The following GRM7 variants were observed in gnomAD, a reference collection of about 807,000 sequenced individuals.
GRM7 encodes the protein glutamate metabotropic receptor 7, also known as metabotropic glutamate receptor 7.
A neutral mutation model predicts 84.5 loss-of-function variants in GRM7; 35 were observed. The ratio of observed to expected loss-of-function variants is 0.41; its 90% CI spans 0.32 to 0.55. The LOEUF is 0.55. GRM7 is among the 20% of genes least tolerant of loss of function. The probability of loss-of-function intolerance (pLI) is 0.19; values close to 1 mark genes in which losing one functional copy is unlikely to be tolerated. For missense variants in GRM7, 1,003 were observed against 1,194.6 expected (o/e 0.84, Z 2.36); for synonymous variants, 487 against 455.1 (o/e 1.07, Z -0.89).
intron 2 of GRM7, among the ~76,000 whole-genome samples, chr3:7,147,603 G>C (rs1694152487): frequency 6.6e-6 from 1 of 152,160 alleles, no homozygotes; most frequent in Non-Finnish European, 1.5e-5. Flanking sequence ...ATACAGCTTT[G>C]AGTATTTGAC....
chr3:7,603,051 T>A (rs552079502), intron 8 of GRM7, among the ~76,000 whole-genome samples: 1 of 152,286 alleles, frequency 6.6e-6, no homozygotes, highest in East Asian at 1.9e-4. Flanking sequence ...TCTGATTTCC[T>A]ACAAATATGT....
chr3:6,879,836 G>A (rs1471645433), intron 1 of GRM7, among the ~76,000 whole-genome samples: 1 of 152,172 alleles, frequency 6.6e-6, no homozygotes, highest in East Asian at 1.9e-4. Flanking sequence ...TTTGGAGATT[G>A]TTTTTATGTT....
intron 8 of GRM7, among the ~76,000 whole-genome samples, chr3:7,643,219 C>T (rs1425926236): frequency 1.3e-5 from 2 of 152,102 alleles, no homozygotes; most frequent in Non-Finnish European, 1.5e-5. Flanking sequence ...TCAATTTCTC[C>T]TTCTGCCATT....
At chr3:7,736,724 C>A (rs1702511950) in intron 9 of GRM7, among the ~76,000 whole-genome samples, 1 of 152,028 alleles carries the variant, frequency 6.6e-6, no homozygotes, top group African/African-American at 2.4e-5. Flanking sequence ...TGGAGGGGCA[C>A]CTGAATCAAG....
chr3:6,868,138 C>T (rs1694998297), intron 1 of GRM7, among the ~76,000 whole-genome samples: 1 of 152,128 alleles, frequency 6.6e-6, no homozygotes. Context: ...AGTAGTCCTG[C>T]AATGTACATA....
chr3:7,451,415 A>G (rs1343362687), intron 5 of GRM7, among the ~76,000 whole-genome samples: 1 of 152,214 alleles, frequency 6.6e-6, no homozygotes, highest in African/African-American at 2.4e-5. Flanking sequence ...TCGGTGTGAC[A>G]AACAGTTGGG....
intron 7 of GRM7, among the ~76,000 whole-genome samples, chr3:7,547,076 A>G (rs1287680464): frequency 2.0e-5 from 3 of 151,620 alleles, no homozygotes; most frequent in African/African-American, 7.3e-5. Context: ...CTAGGACGGG[A>G]GGGCTCCATG....
intron 2 of GRM7, among the ~76,000 whole-genome samples, chr3:7,264,779 GT>G (rs71063294): frequency 1 from 152,227 of 152,228 alleles, 76,113 homozygotes; most frequent in Non-Finnish European, 1. Flanking sequence ...CCTCTCTATG[GT>G]ATCTTCCAGT....
At chr3:7,700,502 A>AT (rs1169524430) in intron 9 of GRM7, among the ~76,000 whole-genome samples, 4 of 152,276 alleles carry the variant, frequency 2.6e-5, no homozygotes, top group Middle Eastern at 3.4e-3. Flanking sequence ...ACAGCTGGAG[A>AT]TTTTTTCAAG....
intron 1 of GRM7, among the ~76,000 whole-genome samples, chr3:7,058,752 C>A (rs1697322499): frequency 6.6e-6 from 1 of 151,868 alleles, no homozygotes; most frequent in African/African-American, 2.4e-5. Context: ...GATGTGTCAT[C>A]TTACTGCTGT....
chr3:6,891,601 C>A (rs1407398172), intron 1 of GRM7, among the ~76,000 whole-genome samples: 1 of 152,170 alleles, frequency 6.6e-6, no homozygotes, highest in Non-Finnish European at 1.5e-5. Context: ...CCGAGAGATC[C>A]ACTGTTAGTC....
At chr3:7,461,507 C>G (rs1430728356) in intron 6 of GRM7, 76 bp from the exon 7 acceptor site, 1 of 1,236,460 alleles carries the variant, frequency 8.1e-7, no homozygotes, top group African/African-American at 1.5e-5. Context: ...AAGTCTCTAG[C>G]CTGTCACCCA....
intron 2 of GRM7, among the ~76,000 whole-genome samples, chr3:7,153,475 C>T (rs1255262354): frequency 6.6e-6 from 1 of 152,104 alleles, no homozygotes; most frequent in Non-Finnish European, 1.5e-5. Context: ...TGACTTTCAA[C>T]ACTCGATACC....
At chr3:7,529,040 G>T (rs1307786135) in intron 7 of GRM7, among the ~76,000 whole-genome samples, 1 of 151,010 alleles carries the variant, frequency 6.6e-6, no homozygotes, top group African/African-American at 2.4e-5. Context: ...AATTAGTCAA[G>T]TGTCAAACTT....
Position 7,291,859 on chromosome 3 carries a change from TGTTGTGG to T in GRM7, c.737-6823_737-6817del, listed in dbSNP as rs147176387. Among the ~76,000 whole-genome samples the T allele has an allele frequency of 6.5e-3, 984 of 152,216 alleles. 17 individuals carry two copies. The highest frequency in any genetic ancestry group is 0.022 in the African/African-American group (927 of 41,538). ...AATTGTAGCTCCCATAATTCCCACATGTTGTGGGAGGGGCCCAGTGGGAGATAACTGA... is the reference window on the plus strand; with the variant it reads ...AATTGTAGCTCCCATAATTCCCACATGAGGGGCCCAGTGGGAGATAACTGA... On this transcript the variant is annotated intron_variant, in intron 2 of 9. Transcript: ENST00000357716.
intron 4 of GRM7, among the ~76,000 whole-genome samples, chr3:7,366,583 A>G (rs1036715666): frequency 2.0e-5 from 3 of 151,792 alleles, no homozygotes; most frequent in Admixed American, 6.6e-5. Flanking sequence ...TATTTAAATG[A>G]TTGTCTTTAT....
chr3:7,022,356 T>C (rs1271915665), intron 1 of GRM7, among the ~76,000 whole-genome samples: 1 of 64,934 alleles, frequency 1.5e-5, no homozygotes, highest in Non-Finnish European at 2.8e-5. Context: ...TATATATATA[T>C]ACACACACAT....
intron 4 of GRM7, among the ~76,000 whole-genome samples, chr3:7,324,775 C>A (rs1219836311): frequency 6.6e-6 from 1 of 152,004 alleles, no homozygotes; most frequent in Admixed American, 6.6e-5. Flanking sequence ...CATAGAGGGG[C>A]CCTCAGAATC....
At chr3:7,448,159 C>T (rs1006015876) in intron 5 of GRM7, among the ~76,000 whole-genome samples, 1 of 151,660 alleles carries the variant, frequency 6.6e-6, no homozygotes, top group Admixed American at 6.6e-5. Flanking sequence ...TTGTTGGACA[C>T]TTGGGTTGGT....
Sources: gnomAD v4.1 joint callset for allele counts (sites outside exome capture counted in the v4.1 genomes callset) on GRCh38, gnomAD v4.1.1 for gene constraint, MANE v1.5 for transcripts, NCBI Gene and HGNC (gene_info 2026-07-23, HGNC 2026-07-21) for gene names.